ERCC4: variants seen among roughly 807,000 people sequenced by gnomAD.
The protein encoded by ERCC4 is ERCC excision repair 4, endonuclease catalytic subunit.
ERCC4 carries 65 observed loss-of-function variants against 76.9 expected under a neutral mutation model. That is an observed-to-expected ratio of 0.84 (90% CI 0.69 to 1.04). The LOEUF is 1.04. ERCC4 is among the 50% of genes least tolerant of loss of function. The pLI is 0.00. For synonymous variants in ERCC4, 463 were observed against 410.1 expected, an observed-to-expected ratio of 1.13 and a Z score of -1.56; for missense variants, 1,214 against 1,128.2, an observed-to-expected ratio of 1.08 and a Z score of -1.09.
chr16:13,935,755 A>T lies in ERCC4; in HGVS notation c.1811+12A>T, dbSNP rs2032278340. 1 of 1,575,930 alleles carries T rather than the reference A, an allele frequency of 6.3e-7. No individual in the cohort carries two copies. Among genetic ancestry groups the T allele is most frequent in the African/African-American group, 1.3e-5 (1 of 74,182 alleles). On this transcript the variant is annotated intron_variant, in intron 8 of 10. Coordinates refer to ENST00000311895, the MANE Select transcript of ERCC4 (RefSeq NM_005236.3). ...GGGAAACCTCTGAGGCAAGTTATAA[A>T]GAATCACAGCTTTCAGTTGCACAGT...
At chr16:13,945,700 T>C (rs1223808251) in intron 10 of ERCC4, among the ~76,000 whole-genome samples, 1 of 152,216 alleles carries the variant, frequency 6.6e-6, no homozygotes, top group Non-Finnish European at 1.5e-5. Flanking sequence ...TTTTGGACCA[T>C]ACTTTGGGAA....
intron 2 of ERCC4, among the ~76,000 whole-genome samples, chr16:13,924,321 T>C (rs1214068073): frequency 6.6e-6 from 1 of 152,164 alleles, no homozygotes; most frequent in Non-Finnish European, 1.5e-5. Flanking sequence ...AAATATCTGG[T>C]GAGGTTGTAC....
At chr16:13,934,043 G>A in intron 6 of ERCC4, 149 bp from the exon 7 acceptor site, 2 of 585,854 alleles carry the variant, frequency 3.4e-6, no homozygotes, top group South Asian at 4.1e-5. Context: ...TCTTTTTCAG[G>A]AAAGCAGATT....
chr16:13,926,905 AC>A, intron 3 of ERCC4, 149 bp downstream of exon 3: 1 of 663,842 alleles, frequency 1.5e-6, no homozygotes, highest in Non-Finnish European at 2.6e-6. Flanking sequence ...TATAACAAAC[AC>A]ATCCAGCTAT....
At chr16:13,924,305 CTATATAAA>C in intron 2 of ERCC4, among the ~76,000 whole-genome samples, 1 of 152,138 alleles carries the variant, frequency 6.6e-6, no homozygotes, top group East Asian at 1.9e-4. Flanking sequence ...CGTGGGAGAA[CTATATAAA>C]TATCTGGTGA....
intron 9 of ERCC4, 23 bp from the exon 10 acceptor site, chr16:13,944,700 G>A (rs374478565): frequency 2.0e-6 from 3 of 1,489,986 alleles, no homozygotes; most frequent in Non-Finnish European, 2.8e-6. Context: ...TTTCAGAAGT[G>A]TTGACAATGT....
Position 13,949,376 on chromosome 16 carries a change from T to A in ERCC4, c.*1029T>A, listed in dbSNP as rs1253278331. 4.3e-6 allele frequency: 1 copy of A among 233,372 alleles called. No individual in the cohort carries two copies. The highest frequency in any genetic ancestry group is 1.8e-4 in the South Asian group (1 of 5,526). 14.5% of individuals were successfully genotyped at this position (233,372 alleles called of 1,614,324 possible). ...GAGATCGCACCACTGCACCCCTGCC[T>A]GGGCGACAGAGTGAGACTTTGTCTC... On this transcript the variant is annotated 3_prime_UTR_variant, in exon 11 of 11. Coordinates refer to ENST00000311895, the MANE Select transcript of ERCC4 (RefSeq NM_005236.3).
chr16:13,920,521 G>A (rs3136045), intron 1 of ERCC4, 149 bp downstream of exon 1: 8 of 760,662 alleles, frequency 1.1e-5, no homozygotes, highest in Non-Finnish European at 1.6e-5. Context: ...GATGGCAGGG[G>A]TCCCCAGGGG....
chr16:13,935,663 C>G lies in ERCC4; in HGVS notation c.1731C>G (p.Tyr577Ter), dbSNP rs936672091. 1.2e-6 allele frequency: 2 copies of G among 1,614,080 alleles called. No individual in the cohort carries two copies. Among genetic ancestry groups the G allele is most frequent in the Non-Finnish European group, 1.7e-6 (2 of 1,179,990 alleles). ...TRVLHEVEPRYVVLYDAELTF... is the reference protein window; with the variant it reads ...TRVLHEVEPR ...TACTACATGAAGTGGAGCCAAGATACGTGGTTCTTTATGACGCAGAGCTAA... is the reference window on the plus strand; with the variant it reads ...TACTACATGAAGTGGAGCCAAGATAGGTGGTTCTTTATGACGCAGAGCTAA... The change falls in exon 8 of 11, where the codon TAC becomes TAG. Residue 577 changes from tyrosine (Y) to a stop codon, truncating the protein, a stop_gained. Transcript: ENST00000311895. LOFTEE classifies it high-confidence loss of function.
At position 13,950,785 on chromosome 16, in the gene ERCC4, C is replaced by G. The variant is rs1351429641; in HGVS notation, c.*2438C>G. On this transcript the variant is annotated 3_prime_UTR_variant, in exon 11 of 11. Transcript: ENST00000311895. ...ATATAAAAGGAACATCTTCCCATAG[C>G]ATATTCTATGAAAGGGGTTTCATTC... The G allele has an allele frequency of 5.2e-6, 1 of 193,462 alleles. No individual in the cohort carries two copies. The highest frequency in any genetic ancestry group is 1.1e-5 in the Non-Finnish European group (1 of 92,872). The allele number at this position is 193,462 out of a possible 1,614,324, so 12.0% of individuals were successfully genotyped here.
chr16:13,946,885 C>T (rs1007958735), intron 10 of ERCC4, among the ~76,000 whole-genome samples: 5 of 152,034 alleles, frequency 3.3e-5, no homozygotes, highest in East Asian at 1.9e-4. Flanking sequence ...CACAGCCTCC[C>T]GAGTAGCTGG....
At chr16:13,936,245 A>G (rs1250951443) in intron 8 of ERCC4, among the ~76,000 whole-genome samples, 1 of 152,234 alleles carries the variant, frequency 6.6e-6, no homozygotes, top group Non-Finnish European at 1.5e-5. Context: ...CTACAGAAAT[A>G]TCAGATGAGA....
At chr16:13,924,137 T>C (rs780424700) in intron 2 of ERCC4, among the ~76,000 whole-genome samples, 1 of 152,170 alleles carries the variant, frequency 6.6e-6, no homozygotes, top group Non-Finnish European at 1.5e-5. Context: ...TTTCATCCCC[T>C]GGGATCATCC....
intron 8 of ERCC4, among the ~76,000 whole-genome samples, chr16:13,936,475 T>C (rs1596627900): frequency 6.6e-6 from 1 of 152,202 alleles, no homozygotes; most frequent in African/African-American, 2.4e-5. Flanking sequence ...GCTGGTAAAA[T>C]AATTATAGGC....
chr16:13,920,301 T>C lies in ERCC4; in HGVS notation c.136T>C (p.Tyr46His). The C allele has an allele frequency of 1.2e-6, 2 of 1,603,594 alleles. No homozygotes were observed. Among genetic ancestry groups the C allele is most frequent in the Non-Finnish European group, 1.7e-6 (2 of 1,179,672 alleles). Residue 46 changes from tyrosine (Y) to histidine (H), a missense_variant, in exon 1 of 11, where the codon TAC becomes CAC. Transcript: ENST00000311895. ...CGGGCTCGGCGCGGACCGGCTCCTC[T>C]ACCACTTTCTCCAGCTGCACTGCCA... ...ARGLGADRLL[Y>H]HFLQLHCHPA... is the part of the protein sequence containing the mutation.
chr16:13,926,674 G>A lies in ERCC4; in HGVS notation c.502G>A (p.Ala168Thr). ...RGFIKAFTDN[A>T]VAFDTGFCHV... is the part of the protein sequence containing the mutation. ...TTTTATTAAAGCTTTCACAGACAAT[G>A]CTGTTGCCTTTGATACTGGTTTTTG... is the stretch of plus-strand genomic sequence containing the variant. The change falls in exon 3 of 11, where the codon GCT becomes ACT. Residue 168 changes from alanine (A) to threonine (T), a missense_variant. Physicochemically the swap from Ala to Thr is moderately conservative, Grantham distance 58 (BLOSUM62 0). Coordinates refer to ENST00000311895, the MANE Select transcript of ERCC4 (RefSeq NM_005236.3). 1.2e-6 allele frequency: 2 copies of A among 1,613,992 alleles called. No individual in the cohort carries two copies. The highest frequency in any genetic ancestry group is 8.5e-7 in the Non-Finnish European group (1 of 1,179,874).
chr16:13,920,183 G>A lies in ERCC4; in HGVS notation c.18G>A (p.Pro6=), dbSNP rs763189317. Residue 6 remains proline, a synonymous_variant, in exon 1 of 11, where the codon CCG becomes CCA. Coordinates refer to ENST00000311895, the MANE Select transcript of ERCC4 (RefSeq NM_005236.3). ...GAGCTTCCATGGAGTCAGGGCAGCC[G>A]GCTCGACGGATTGCCATGGCGCCGC... The part of the protein sequence containing the change: MESGQ[P]ARRIAMAPLL... 3 of 1,606,050 alleles carry A rather than the reference G, an allele frequency of 1.9e-6. No homozygotes were observed. The highest frequency in any genetic ancestry group is 2.2e-5 in the South Asian group (2 of 91,064).
intron 2 of ERCC4, among the ~76,000 whole-genome samples, chr16:13,925,368 A>G (rs763088004): frequency 3.9e-5 from 6 of 152,226 alleles, no homozygotes; most frequent in Non-Finnish European, 8.8e-5. Flanking sequence ...AGTCCTTGGG[A>G]AAACCCACCA....
intron 3 of ERCC4, 144 bp downstream of exon 3, chr16:13,926,900 C>T (rs2032083437): frequency 4.4e-6 from 3 of 676,138 alleles, no homozygotes; most frequent in Non-Finnish European, 7.8e-6. Context: ...AGTTTTATAA[C>T]AAACACATCC....
Sources: gnomAD v4.1 joint callset for allele counts (sites outside exome capture counted in the v4.1 genomes callset) on GRCh38, gnomAD v4.1.1 for gene constraint, MANE v1.5 for transcripts, NCBI Gene and HGNC (gene_info 2026-07-23, HGNC 2026-07-21) for gene names.